The following RAPGEF2 variants were observed in gnomAD, a reference collection of about 807,000 sequenced individuals.
The protein encoded by RAPGEF2 is PDZ domain containing guanine nucleotide exchange factor (GEF) 1.
RAPGEF2 carries 54 observed loss-of-function variants against 186.7 expected under a neutral mutation model. The observed-to-expected ratio is 0.29, with a 90% CI of 0.23 to 0.36. RAPGEF2 has a LOEUF of 0.36. RAPGEF2 is among the 10% of genes least tolerant of loss of function. The pLI, the probability that RAPGEF2 is intolerant of heterozygous loss-of-function variation, is 1.00. For synonymous variants in RAPGEF2, 712 were observed against 705.9 expected (o/e 1.01, Z -0.14); for missense variants, 1,532 against 2,045.0 (o/e 0.75, Z 4.84).
chr4:159,229,129 G>A (rs1226179739), intron 4 of RAPGEF2, among the ~76,000 whole-genome samples: 1 of 151,978 alleles, frequency 6.6e-6, no homozygotes, highest in Non-Finnish European at 1.5e-5. Context: ...TGGAAACAGG[G>A]GTGTGAAAAA....
intron 8 of RAPGEF2, among the ~76,000 whole-genome samples, chr4:159,312,532 T>C (rs545070605): frequency 2.6e-5 from 4 of 152,252 alleles, no homozygotes; most frequent in African/African-American, 9.6e-5. Flanking sequence ...GTTTAAATTA[T>C]GAGATGTGTT....
intron 2 of RAPGEF2, among the ~76,000 whole-genome samples, chr4:159,189,624 G>A (rs147132042): frequency 3.3e-5 from 5 of 152,228 alleles, no homozygotes; most frequent in East Asian, 1.9e-4. Flanking sequence ...CTATATAGGC[G>A]CCTTTAGATC....
rs1485554258 is a variant in RAPGEF2 at position 159,241,237 on chromosome 4, C to G, written c.394C>G (p.Arg132Gly). 6.5e-7 allele frequency: 1 copy of G among 1,528,340 alleles called. No individual in the cohort carries two copies. Among genetic ancestry groups the G allele is most frequent in the Non-Finnish European group, 8.8e-7 (1 of 1,142,466 alleles). The allele number at this position is 1,528,340 out of a possible 1,614,324, so 94.7% of individuals were successfully genotyped here. ...YMDENEEYFQ[R>G]QASHRQSRRR... is the part of the protein sequence containing the mutation. Reference sequence around the variant, plus strand: ...GGATGAAAATGAAGAATATTTTCAGCGGCAAGCTTCCCATAGACAGTCTCG... The same window carrying G: ...GGATGAAAATGAAGAATATTTTCAGGGGCAAGCTTCCCATAGACAGTCTCG... The change falls in exon 6 of 30, where the codon CGG becomes GGG. Residue 132 changes from arginine to glycine, a missense_variant. Physicochemically the swap from Arg to Gly is moderately radical, Grantham distance 125. Coordinates refer to ENST00000691494, the MANE Select transcript of RAPGEF2 (RefSeq NM_001394067.2).
rs58593781 is a variant in RAPGEF2 at position 159,237,842 on chromosome 4, T to TAAAAAAAAAAAAAAA, written c.282-952_282-938dup. Among the ~76,000 whole-genome samples the TAAAAAAAAAAAAAAA allele has an allele frequency of 4.5e-5, 3 of 66,942 alleles. 1 individual carries two copies. The highest frequency in any genetic ancestry group is 1.6e-4 in the African/African-American group (3 of 18,214). 43.9% of individuals were successfully genotyped at this position (66,942 alleles called of 152,430 possible). On this transcript the variant is annotated intron_variant, in intron 4 of 29. Coordinates refer to ENST00000691494, the MANE Select transcript of RAPGEF2 (RefSeq NM_001394067.2). Reference sequence around the variant, plus strand: ...AGCTAGACTTTGTCTCTACAAAAATTAAAAAAAAAAAAAAAAAAAAAAAAA... The same window carrying TAAAAAAAAAAAAAAA: ...AGCTAGACTTTGTCTCTACAAAAATTAAAAAAAAAAAAAAAAAAAAAAAAAAAAAAAAAAAAAAAA...
At chr4:159,134,276 G>A (rs1741452480) in intron 1 of RAPGEF2, among the ~76,000 whole-genome samples, 1 of 152,196 alleles carries the variant, frequency 6.6e-6, no homozygotes, top group East Asian at 1.9e-4. Flanking sequence ...CTAAGCACAA[G>A]CTTTTGAGAT....
chr4:159,267,791 CTTTTT>C (rs200359653), intron 7 of RAPGEF2: 13 of 915,184 alleles, frequency 1.4e-5, no homozygotes, highest in Non-Finnish European at 1.6e-5. Context: ...TAGCTTTTTT[CTTTTT>C]TTTTTTTTTT....
intron 3 of RAPGEF2, among the ~76,000 whole-genome samples, chr4:159,209,561 A>G (rs1331463378): frequency 6.6e-6 from 1 of 152,184 alleles, no homozygotes; most frequent in Non-Finnish European, 1.5e-5. Context: ...GAGGGCAGGG[A>G]TCTTTTTGTT....
chr4:159,244,080 T>G (rs886109643), intron 7 of RAPGEF2, among the ~76,000 whole-genome samples: 3 of 151,926 alleles, frequency 2.0e-5, no homozygotes, highest in African/African-American at 7.2e-5. Context: ...TGTCCTTCAC[T>G]AACCTGCTTT....
chr4:159,303,992 C>A (rs1287892027), intron 7 of RAPGEF2, among the ~76,000 whole-genome samples: 10 of 152,112 alleles, frequency 6.6e-5, no homozygotes, highest in African/African-American at 2.4e-4. Context: ...CACAAAGTTA[C>A]ATTTGTGATG....
chr4:159,332,712 A>T lies in RAPGEF2; in HGVS notation c.2135+15A>T, dbSNP rs879828355. Reference sequence around the variant, plus strand: ...AAACCATACAAGTAAGCATCTGCATATGTCTTCTGTGCATTATTTTATTTT... The same window carrying T: ...AAACCATACAAGTAAGCATCTGCATTTGTCTTCTGTGCATTATTTTATTTT... On this transcript the variant is annotated intron_variant, in intron 17 of 29. Coordinates refer to ENST00000691494, the MANE Select transcript of RAPGEF2 (RefSeq NM_001394067.2). The T allele has an allele frequency of 8.7e-6, 14 of 1,612,114 alleles. No individual in the cohort carries two copies. The Middle Eastern group carries it at 4.9e-4, about 57-fold the overall frequency.
intron 17 of RAPGEF2, among the ~76,000 whole-genome samples, chr4:159,336,976 T>C (rs940614344): frequency 4.6e-5 from 7 of 152,238 alleles, no homozygotes; most frequent in African/African-American, 1.7e-4. Context: ...TTTCTGTGTG[T>C]GTTTGCTTAT....
intron 9 of RAPGEF2, among the ~76,000 whole-genome samples, chr4:159,321,861 A>G (rs1341378188): frequency 6.8e-6 from 1 of 146,532 alleles, no homozygotes; most frequent in African/African-American, 2.8e-5. Context: ...TAATTTTTTA[A>G]TTGATCTTTT....
At chr4:159,271,246 TA>T (rs1451497093) in intron 7 of RAPGEF2, among the ~76,000 whole-genome samples, 2 of 152,124 alleles carry the variant, frequency 1.3e-5, no homozygotes, top group Non-Finnish European at 2.9e-5. Flanking sequence ...CTTTGTAAAT[TA>T]AAAAAAGTTT....
chr4:159,281,753 CTGTGTGTGTT>C (rs1394592622), intron 7 of RAPGEF2, among the ~76,000 whole-genome samples: 4 of 150,842 alleles, frequency 2.7e-5, no homozygotes, highest in East Asian at 3.9e-4. Flanking sequence ...ATTAAGTGCT[CTGTGTGTGTT>C]TGTGTGTGTG....
chr4:159,184,665 G>C (rs1263351295), intron 1 of RAPGEF2, among the ~76,000 whole-genome samples: 1 of 152,152 alleles, frequency 6.6e-6, no homozygotes, highest in African/African-American at 2.4e-5. Flanking sequence ...TGAGTAGGTT[G>C]CAAAAATTTT....
At chr4:159,160,694 A>G (rs73860455) in intron 1 of RAPGEF2, among the ~76,000 whole-genome samples, 170 of 152,334 alleles carry the variant, frequency 1.1e-3, no homozygotes, top group African/African-American at 4.0e-3. Context: ...AAGATCTGTT[A>G]CTTTGTGCCT....
At chr4:159,134,223 T>G (rs778393392) in intron 1 of RAPGEF2, among the ~76,000 whole-genome samples, 1 of 152,198 alleles carries the variant, frequency 6.6e-6, no homozygotes, top group South Asian at 2.1e-4. Flanking sequence ...GTACTGTACA[T>G]GGAGTCATAT....
intron 1 of RAPGEF2, among the ~76,000 whole-genome samples, chr4:159,137,802 T>C (rs1741888445): frequency 6.6e-6 from 1 of 150,972 alleles, no homozygotes; most frequent in Non-Finnish European, 1.5e-5. Flanking sequence ...TTTTAAAAAT[T>C]AAAAATACAT....
Position 159,353,424 on chromosome 4 carries a change from T to C in RAPGEF2, c.4092-63T>C. The C allele has an allele frequency of 1.5e-6, 2 of 1,330,534 alleles. No individual in the cohort carries two copies. The highest frequency in any genetic ancestry group is 1.0e-6 in the Non-Finnish European group (1 of 1,003,412). The allele number at this position is 1,330,534 out of a possible 1,614,324, so 82.4% of individuals were successfully genotyped here. A position where few individuals can be genotyped will look rare whatever the true frequency, so the allele number is the denominator to read the frequency against. On this transcript the variant is annotated intron_variant, in intron 27 of 29. Coordinates refer to ENST00000691494, the MANE Select transcript of RAPGEF2 (RefSeq NM_001394067.2). The surrounding 1 kb of genome is among the most constrained non-coding windows in gnomAD (Gnocchi z 4.3). Reference sequence around the variant, plus strand: ...TAGGAAAAAGGGTATTTTGGTTTTATCATAGGTGAATTAGTTATCAATCTT... The same window carrying C: ...TAGGAAAAAGGGTATTTTGGTTTTACCATAGGTGAATTAGTTATCAATCTT...
Sources: allele counts gnomAD v4.1 joint callset (sites outside exome capture counted in the v4.1 genomes callset), GRCh38; gene constraint gnomAD v4.1.1; non-coding constraint Gnocchi (gnomAD v3.1); transcripts MANE v1.5; gene names NCBI Gene and HGNC (gene_info 2026-07-23, HGNC 2026-07-21).